The following SLCO6A1 variants were observed in gnomAD, a reference collection of about 807,000 sequenced individuals.
SLCO6A1 encodes solute carrier organic anion transporter family member 6A1, also known as cancer/testis antigen 48.
SLCO6A1 carries 65 observed loss-of-function variants against 72.7 expected under a neutral mutation model. The observed-to-expected ratio is 0.89, with a 90% confidence interval of 0.73 to 1.10. The LOEUF (loss-of-function observed/expected upper bound fraction) is 1.10, where lower values mean the gene tolerates loss of function less well. Among genes scored for constraint, SLCO6A1 ranks in the 50% least tolerant of loss-of-function variants. The probability of loss-of-function intolerance (pLI) is 0.00; values close to 1 mark genes in which losing one functional copy is unlikely to be tolerated. For missense variants in SLCO6A1, 874 were observed against 872.6 expected (o/e 1.00, Z -0.02); for synonymous variants, 314 against 298.2 (o/e 1.05, Z -0.55).
chr5:102,427,317 A>G (rs1179454374), intron 7 of SLCO6A1, among the ~76,000 whole-genome samples: 2 of 152,100 alleles, frequency 1.3e-5, no homozygotes, highest in African/African-American at 4.8e-5. Flanking sequence ...AAAGACAATG[A>G]GTACAGGGGA....
At chr5:102,417,364 TA>T (rs1748340555) in intron 8 of SLCO6A1, among the ~76,000 whole-genome samples, 1 of 152,080 alleles carries the variant, frequency 6.6e-6, no homozygotes, top group Admixed American at 6.6e-5. Flanking sequence ...TGGTTAGGTT[TA>T]AATCTACCCT....
At chr5:102,460,980 T>A (rs1223394491) in intron 4 of SLCO6A1, among the ~76,000 whole-genome samples, 1 of 145,436 alleles carries the variant, frequency 6.9e-6, no homozygotes, top group East Asian at 2.2e-4. Flanking sequence ...CTCAGGGAGT[T>A]TCAATTCCAG....
intron 10 of SLCO6A1, among the ~76,000 whole-genome samples, chr5:102,393,011 T>A (rs953561483): frequency 2.0e-5 from 3 of 152,110 alleles, no homozygotes; most frequent in Admixed American, 6.6e-5. Context: ...CAAAATGACC[T>A]TTTTTTCTCA....
At chr5:102,455,423 G>T (rs752458531) in intron 6 of SLCO6A1, among the ~76,000 whole-genome samples, 6 of 152,062 alleles carry the variant, frequency 3.9e-5, no homozygotes, top group Non-Finnish European at 7.4e-5. Flanking sequence ...GTTATGAATA[G>T]CAGAAGAGAA....
At chr5:102,492,199 A>G (rs1280857947) in intron 1 of SLCO6A1, among the ~76,000 whole-genome samples, 3 of 152,240 alleles carry the variant, frequency 2.0e-5, no homozygotes, top group Non-Finnish European at 4.4e-5. Flanking sequence ...TTGGGCAGGG[A>G]CACAAATCCA....
intron 12 of SLCO6A1, among the ~76,000 whole-genome samples, chr5:102,386,812 A>G (rs1194636881): frequency 6.6e-6 from 1 of 152,174 alleles, no homozygotes; most frequent in African/African-American, 2.4e-5. Context: ...TAAGAGGGTC[A>G]GCCTAGAGCT....
intron 11 of SLCO6A1, among the ~76,000 whole-genome samples, chr5:102,390,550 T>G (rs1001105989): frequency 6.6e-6 from 1 of 152,138 alleles, no homozygotes; most frequent in African/African-American, 2.4e-5. Context: ...CCTCCCAACA[T>G]TTATTTGTTC....
At chr5:102,398,107 C>T (rs575572447) in intron 10 of SLCO6A1, among the ~76,000 whole-genome samples, 160 of 152,192 alleles carry the variant, frequency 1.1e-3, no homozygotes, top group Middle Eastern at 6.8e-3. Context: ...TCATTCAGTT[C>T]CAAACTGGAA....
At chr5:102,391,504 A>C (rs1277281983) in intron 10 of SLCO6A1, among the ~76,000 whole-genome samples, 2 of 152,054 alleles carry the variant, frequency 1.3e-5, no homozygotes, top group Non-Finnish European at 2.9e-5. Flanking sequence ...CTGGCTACTG[A>C]TTGGGACACT....
At chr5:102,439,605 A>C (rs1427840741) in intron 6 of SLCO6A1, among the ~76,000 whole-genome samples, 1 of 152,126 alleles carries the variant, frequency 6.6e-6, no homozygotes, top group Non-Finnish European at 1.5e-5. Context: ...TCATTCCCAT[A>C]ATATTAAATA....
intron 6 of SLCO6A1, among the ~76,000 whole-genome samples, chr5:102,456,381 T>C (rs1040856346): frequency 3.9e-5 from 6 of 152,192 alleles, no homozygotes; most frequent in African/African-American, 1.4e-4. Context: ...CAAAATCTCC[T>C]TAAGCTGATA....
At chr5:102,460,905 TA>T (rs1750994902) in intron 4 of SLCO6A1, among the ~76,000 whole-genome samples, 1 of 2,772 alleles carries the variant, frequency 3.6e-4, no homozygotes, top group Non-Finnish European at 8.9e-4. Context: ...ATCTCATATA[TA>T]TATATATATA....
At chr5:102,489,041 T>A (rs903455125) in intron 1 of SLCO6A1, among the ~76,000 whole-genome samples, 2 of 152,074 alleles carry the variant, frequency 1.3e-5, no homozygotes, top group African/African-American at 4.8e-5. Flanking sequence ...AAAGTTAGAG[T>A]CCCTTTGGTT....
chr5:102,389,456 C>CCCCCCCCCA (rs376461607), intron 11 of SLCO6A1, among the ~76,000 whole-genome samples: 1 of 81,852 alleles, frequency 1.2e-5, no homozygotes, highest in African/African-American at 4.4e-5. Context: ...CCCCCCACCC[C>CCCCCCCCCA]CACACACACA....
At chr5:102,383,459 T>A (rs1374075553) in intron 12 of SLCO6A1, among the ~76,000 whole-genome samples, 1 of 151,802 alleles carries the variant, frequency 6.6e-6, no homozygotes, top group African/African-American at 2.4e-5. Flanking sequence ...AATTATCGTA[T>A]TATTTTTATC....
chr5:102,387,799 G>A (rs181868011), intron 12 of SLCO6A1, among the ~76,000 whole-genome samples: 4 of 152,050 alleles, frequency 2.6e-5, no homozygotes, highest in Admixed American at 1.3e-4. Flanking sequence ...ATCATTTAAC[G>A]TTTACTCTGA....
At chr5:102,437,420 C>T (rs1050089212) in intron 7 of SLCO6A1, among the ~76,000 whole-genome samples, 2 of 152,040 alleles carry the variant, frequency 1.3e-5, no homozygotes, top group East Asian at 3.9e-4. Context: ...CTGGCTAGAT[C>T]CAGGAGCTTG....
At chr5:102,411,930 A>G (rs1223446716) in intron 9 of SLCO6A1, among the ~76,000 whole-genome samples, 1 of 152,112 alleles carries the variant, frequency 6.6e-6, no homozygotes, top group Non-Finnish European at 1.5e-5. Context: ...CTGAGAGTCA[A>G]CCACCTTTTA....
Position 102,487,671 on chromosome 5 carries a change from C to T in SLCO6A1, c.359-7237G>A, listed in dbSNP as rs1485684088. On this transcript the variant is annotated intron_variant, in intron 1 of 13. Transcript: ENST00000506729. ...CTAATATACCAAGTGGGTGGCAGAA[C>T]CAGCCGCATCAAATACTTGCCCAAC... Among the ~76,000 whole-genome samples the T allele has an allele frequency of 2.6e-5, 4 of 152,200 alleles. 1 individual carries two copies. In the East Asian group the frequency reaches 5.8e-4, roughly 22 times the overall value.
Sources: allele counts gnomAD v4.1 joint callset (sites outside exome capture counted in the v4.1 genomes callset), GRCh38; gene constraint gnomAD v4.1.1; transcripts MANE v1.5; gene names NCBI Gene and HGNC (gene_info 2026-07-23, HGNC 2026-07-21).